The following DMD variants were observed in gnomAD, a reference collection of about 807,000 sequenced individuals.
DMD encodes dystrophin, also known as mutant dystrophin.
A neutral mutation model predicts 330.1 loss-of-function variants in DMD; 63 were observed. The observed-to-expected ratio is 0.19, with a 90% CI of 0.16 to 0.24. The LOEUF (loss-of-function observed/expected upper bound fraction) is 0.24. Ranked by LOEUF, DMD falls within the 10% of genes least tolerant of loss-of-function variation. DMD has a pLI of 1.00. For missense variants in DMD, 3,344 were observed against 2,684.1 expected, an observed-to-expected ratio of 1.25 and a Z score of -5.43; for synonymous variants, 1,223 against 959.8, an observed-to-expected ratio of 1.27 and a Z score of -5.07.
chrX:32,822,368 G>GTATA (rs764347985), intron 5 of DMD, among the ~76,000 whole-genome samples: 6 of 109,553 alleles, frequency 5.5e-5, no homozygotes, highest in African/African-American at 2.0e-4. Context: ...GTTCATGTTG[G>GTATA]TATATATATA....
At chrX:32,897,593 G>C (rs2085842866) in intron 2 of DMD, among the ~76,000 whole-genome samples, 1 of 112,326 alleles carries the variant, frequency 8.9e-6, no homozygotes, top group Admixed American at 9.5e-5. Context: ...TTAGCAACTT[G>C]AAATCATTTG....
At chrX:32,873,827 A>G (rs949021515) in intron 2 of DMD, among the ~76,000 whole-genome samples, 1 of 112,461 alleles carries the variant, frequency 8.9e-6, no homozygotes, top group African/African-American at 3.2e-5. Flanking sequence ...ATCTTAGCCT[A>G]AGCTAAGGGT....
At chrX:31,635,996 G>C (rs962048601) in intron 54 of DMD, among the ~76,000 whole-genome samples, 24 of 112,134 alleles carry the variant, frequency 2.1e-4, no homozygotes, top group Non-Finnish European at 9.4e-5. Context: ...TGGTTATAGT[G>C]TATGTTATTT....
intron 1 of DMD, among the ~76,000 whole-genome samples, chrX:33,082,912 A>G (rs1469263695): frequency 8.9e-6 from 1 of 112,366 alleles, no homozygotes; most frequent in Non-Finnish European, 1.9e-5. Flanking sequence ...TCTCCATTAC[A>G]TAACACAGAA....
intron 7 of DMD, among the ~76,000 whole-genome samples, chrX:32,708,878 T>G (rs1037921738): frequency 1.8e-5 from 2 of 111,413 alleles, no homozygotes; most frequent in African/African-American, 6.5e-5. Context: ...ACACACAAAC[T>G]TCAACAACTG....
intron 41 of DMD, among the ~76,000 whole-genome samples, chrX:32,328,798 A>C (rs758580159): frequency 9.0e-6 from 1 of 111,576 alleles, no homozygotes; most frequent in African/African-American, 3.2e-5. Flanking sequence ...CCATTTTAAT[A>C]CCTCCAAAAC....
In DMD at chrX:32,365,269, C is replaced by T. The variant is rs2097850620; in HGVS notation, c.4846-70G>A. On this transcript the variant is annotated intron_variant, in intron 34 of 78. Transcript: ENST00000357033. Reference sequence around the variant, plus strand: ...TTAAGATTTAATGCTTATGAAACGGCTTTCTGTATGGTTACTATGATTCTG... The same window carrying T: ...TTAAGATTTAATGCTTATGAAACGGTTTTCTGTATGGTTACTATGATTCTG... 4 of 1,063,062 alleles carry T rather than the reference C, an allele frequency of 3.8e-6. No homozygotes were observed. The Admixed American group carries it at 9.0e-5, about 24-fold the overall frequency. The allele number at this position is 1,063,062 out of a possible 1,213,427, so 87.6% of individuals were successfully genotyped here.
intron 1 of DMD, among the ~76,000 whole-genome samples, chrX:33,086,245 A>C (rs187049961): frequency 2.1e-4 from 24 of 112,190 alleles, no homozygotes; most frequent in African/African-American, 7.4e-4. Flanking sequence ...CTATCATTCA[A>C]AGGTTTGCTA....
chrX:31,709,268 C>CTCAA (rs1057389355), intron 52 of DMD, among the ~76,000 whole-genome samples: 36 of 111,276 alleles, frequency 3.2e-4, no homozygotes, highest in East Asian at 5.6e-4. Flanking sequence ...GAGACTCTGA[C>CTCAA]TCAATCAATC....
chrX:31,923,758 C>G lies in DMD; in HGVS notation c.6912+5838G>C, dbSNP rs771521749. Among the ~76,000 whole-genome samples the G allele has an allele frequency of 5.4e-5, 6 of 110,457 alleles. No individual in the cohort carries two copies. In the East Asian group the frequency reaches 1.4e-3, roughly 26 times the overall value. On this transcript the variant is annotated intron_variant, in intron 47 of 78. Transcript: ENST00000357033. ...GATTACAGACACATGCCACCACGCT[C>G]AGCTAATTTTTGTATTTTTAATAGA... is the stretch of plus-strand genomic sequence containing the variant.
intron 57 of DMD, among the ~76,000 whole-genome samples, chrX:31,483,821 A>G (rs1411849879): frequency 8.9e-6 from 1 of 112,296 alleles, no homozygotes; most frequent in Admixed American, 9.5e-5. Flanking sequence ...AATTCTTATC[A>G]TGTGGGAAAA....
chrX:31,823,079 G>A (rs1312225924), intron 49 of DMD, among the ~76,000 whole-genome samples: 2 of 112,595 alleles, frequency 1.8e-5, no homozygotes, highest in Non-Finnish European at 3.8e-5. Context: ...CAGCCAATGG[G>A]GGGAAAGGGT....
chrX:31,615,740 C>T (rs1224975676), intron 55 of DMD, among the ~76,000 whole-genome samples: 1 of 111,814 alleles, frequency 8.9e-6, no homozygotes, highest in Non-Finnish European at 1.9e-5. Flanking sequence ...ATATTTCAAG[C>T]ATAGTTTCAT....
chrX:32,483,927 TA>T (rs2042175725), intron 21 of DMD, among the ~76,000 whole-genome samples: 1 of 109,035 alleles, frequency 9.2e-6, no homozygotes, highest in Admixed American at 1.0e-4. Flanking sequence ...TGTGTATCAC[TA>T]CATTAATTCT....
rs766841315 is a variant in DMD at position 32,614,445 on chromosome X, C to A, written c.1340G>T (p.Arg447Ile). Residue 447 changes from arginine (R) to isoleucine (I), a missense_variant, in exon 12 of 79, where the codon AGA (arginine) becomes ATA (isoleucine). Transcript: ENST00000357033. ...ASMEKQSNLHRVLMDLQNQKL... is the reference protein window; with the variant it reads ...ASMEKQSNLHIVLMDLQNQKL... ...CTGATTCTGGAGATCCATTAAAACT[C>A]TATGTAAACTGAAAATTTGAAAGAA... The A allele has an allele frequency of 8.3e-7, 1 of 1,204,502 alleles. No individual in the cohort carries two copies. The highest frequency in any genetic ancestry group is 1.1e-6 in the Non-Finnish European group (1 of 890,722).
At chrX:32,951,864 T>A (rs1362165684) in intron 2 of DMD, among the ~76,000 whole-genome samples, 1 of 111,905 alleles carries the variant, frequency 8.9e-6, no homozygotes, top group African/African-American at 3.2e-5. Flanking sequence ...CAAATAGAAT[T>A]ATTTATGAGA....
chrX:33,159,885 A>G (rs1314624365), intron 1 of DMD, among the ~76,000 whole-genome samples: 2 of 111,801 alleles, frequency 1.8e-5, no homozygotes, highest in South Asian at 7.5e-4. Flanking sequence ...TACAATTTAA[A>G]AATACAATCA....
chrX:32,499,109 G>A (rs752888988), intron 19 of DMD, among the ~76,000 whole-genome samples: 12 of 111,750 alleles, frequency 1.1e-4, no homozygotes, highest in Non-Finnish European at 1.9e-4. Context: ...TAAGTTATGA[G>A]AAATTATTTT....
At chrX:31,777,994 C>T (rs1369141907) in intron 50 of DMD, among the ~76,000 whole-genome samples, 1 of 112,121 alleles carries the variant, frequency 8.9e-6, no homozygotes, top group Non-Finnish European at 1.9e-5. Context: ...TGTGCATTCT[C>T]TCATGAGCAC....
Sources: allele counts gnomAD v4.1 joint callset (sites outside exome capture counted in the v4.1 genomes callset), GRCh38; gene constraint gnomAD v4.1.1; transcripts MANE v1.5; gene names NCBI Gene and HGNC (gene_info 2026-07-23, HGNC 2026-07-21).